CEP70: variants seen among roughly 807,000 people sequenced by gnomAD.
CEP70 encodes the protein centrosomal protein of 70 kDa.
Under a neutral mutation model 90.9 loss-of-function variants are expected in CEP70, and 70 were observed. The observed-to-expected ratio is 0.77, with a 90% CI of 0.64 to 0.94. CEP70 has a LOEUF of 0.94. CEP70 is among the 40% of genes least tolerant of loss of function. CEP70 has a pLI of 0.00. For missense variants in CEP70, 648 were observed against 669.0 expected (o/e 0.97, Z 0.35); for synonymous variants, 220 against 228.3 (o/e 0.96, Z 0.33).
At position 138,594,237 on chromosome 3, in the gene CEP70, C is replaced by G. The variant is rs2042546837; in HGVS notation, c.-148G>C. 1 of 152,474 alleles carries G rather than the reference C, an allele frequency of 6.6e-6. No homozygotes were observed. Among genetic ancestry groups the G allele is most frequent in the South Asian group, 2.1e-4 (1 of 4,830 alleles). 9.4% of individuals were successfully genotyped at this position (152,474 alleles called of 1,614,324 possible). A position where few individuals can be genotyped will look rare whatever the true frequency, so the allele number is the denominator to read the frequency against. ...GGCCTCCCACCAGCAGCCAGCCGGG[C>G]CAGGTTAGGCTGGGATCAGCTACGT... On this transcript the variant is annotated 5_prime_UTR_variant, in exon 1 of 18. Coordinates refer to ENST00000264982, the MANE Select transcript of CEP70 (RefSeq NM_024491.4).
At chr3:138,561,273 A>C (rs1346682272) in intron 6 of CEP70, among the ~76,000 whole-genome samples, 2 of 152,116 alleles carry the variant, frequency 1.3e-5, no homozygotes, top group Non-Finnish European at 2.9e-5. Context: ...GCCTCCAGCA[A>C]ACTCCAGCAG....
intron 6 of CEP70, among the ~76,000 whole-genome samples, chr3:138,544,888 G>C (rs529616455): frequency 5.3e-5 from 8 of 152,234 alleles, no homozygotes; most frequent in African/African-American, 1.9e-4. Flanking sequence ...CAAAACAGTG[G>C]TTAACAGAGG....
At chr3:138,546,450 T>C (rs891765628) in intron 6 of CEP70, among the ~76,000 whole-genome samples, 2 of 152,196 alleles carry the variant, frequency 1.3e-5, no homozygotes, top group African/African-American at 4.8e-5. Context: ...AAGCTCATTA[T>C]CAAAAAGCAC....
chr3:138,517,070 A>G (rs1005673879), intron 11 of CEP70, among the ~76,000 whole-genome samples: 5 of 152,230 alleles, frequency 3.3e-5, no homozygotes, highest in African/African-American at 1.2e-4. Flanking sequence ...CGCTCACTTT[A>G]AAACATTCAG....
intron 6 of CEP70, among the ~76,000 whole-genome samples, chr3:138,550,645 G>A (rs1175797698): frequency 6.6e-6 from 1 of 152,204 alleles, no homozygotes; most frequent in Non-Finnish European, 1.5e-5. Context: ...TTACAGGCAT[G>A]AGCCACCATG....
chr3:138,529,559 GAATTAA>G (rs2037623296), intron 8 of CEP70, 97 bp from the exon 9 acceptor site: 2 of 719,610 alleles, frequency 2.8e-6, no homozygotes, highest in Non-Finnish European at 4.7e-6. Context: ...ATCTAAACAT[GAATTAA>G]AATTAATCCA....
intron 11 of CEP70, among the ~76,000 whole-genome samples, chr3:138,519,848 T>C (rs972728431): frequency 1.1e-4 from 16 of 152,162 alleles, no homozygotes; most frequent in African/African-American, 3.9e-4. Flanking sequence ...ACCTTAAATG[T>C]AAATGGGCTA....
At position 138,537,316 on chromosome 3, in the gene CEP70, G is replaced by A. The variant is rs538352932; in HGVS notation, c.497C>T (p.Thr166Met). The A allele has an allele frequency of 6.2e-5, 99 of 1,595,730 alleles. No individual in the cohort carries two copies. The highest frequency in any genetic ancestry group is 1.7e-4 in the Middle Eastern group (1 of 5,986). Residue 166 changes from threonine (T) to methionine (M), a missense_variant, in exon 7 of 18, where the codon ACG (threonine) becomes ATG (methionine). Coordinates refer to ENST00000264982, the MANE Select transcript of CEP70 (RefSeq NM_024491.4). ...VKCQHYKKKR[T>M]EQEETIASLQ... ...AGAAGCAATAGTTTCTTCTTGCTCC[G>A]TTCGTTTTTTCTTATAATGCTGGCA...
chr3:138,504,439 T>C lies in CEP70; in HGVS notation c.1221+856A>G, dbSNP rs376405088. On this transcript the variant is annotated intron_variant, in intron 13 of 17. Coordinates refer to ENST00000264982, the MANE Select transcript of CEP70 (RefSeq NM_024491.4). ...ATTCATCAGGAGGATCTTGGGGACA[T>C]ATCAGAACAAATAAAAACACTGTCT... Among the ~76,000 whole-genome samples, 29 of 152,300 alleles carry C rather than the reference T, an allele frequency of 1.9e-4. No individual in the cohort carries two copies. The East Asian group carries it at 5.2e-3, about 27-fold the overall frequency.
At chr3:138,541,877 G>A (rs948639581) in intron 6 of CEP70, among the ~76,000 whole-genome samples, 1 of 152,178 alleles carries the variant, frequency 6.6e-6, no homozygotes, top group Admixed American at 6.5e-5. Flanking sequence ...CAAAAAGTTA[G>A]CTGAGTGTCG....
chr3:138,533,512 C>T (rs1358846881), intron 7 of CEP70, among the ~76,000 whole-genome samples: 9 of 152,038 alleles, frequency 5.9e-5, no homozygotes, highest in Middle Eastern at 6.8e-3. Context: ...TGTAAGCTAG[C>T]GGGTGTATGA....
At chr3:138,540,249 C>T (rs776140269) in intron 6 of CEP70, among the ~76,000 whole-genome samples, 7 of 151,526 alleles carry the variant, frequency 4.6e-5, no homozygotes, top group South Asian at 2.1e-4. Context: ...AATCCCAACA[C>T]TTTGGGAGGC....
intron 12 of CEP70, 106 bp downstream of exon 12, chr3:138,508,333 T>C (rs2035185661): frequency 1.1e-5 from 8 of 739,456 alleles, no homozygotes; most frequent in African/African-American, 1.7e-5. Context: ...CACATAAATA[T>C]GAGGTGCAAG....
intron 6 of CEP70, among the ~76,000 whole-genome samples, chr3:138,566,817 A>ATC (rs1216756488): frequency 2.0e-5 from 3 of 151,122 alleles, no homozygotes; most frequent in Non-Finnish European, 2.9e-5. Context: ...ATATATATAT[A>ATC]TAAAAAAAAA....
At chr3:138,518,039 C>A (rs1452864785) in intron 11 of CEP70, among the ~76,000 whole-genome samples, 2 of 152,218 alleles carry the variant, frequency 1.3e-5, no homozygotes, top group East Asian at 1.9e-4. Context: ...GATTATATCC[C>A]GCACCTGGCT....
intron 11 of CEP70, among the ~76,000 whole-genome samples, chr3:138,522,223 T>C (rs563982451): frequency 5.9e-5 from 9 of 151,442 alleles, no homozygotes; most frequent in East Asian, 1.9e-4. Flanking sequence ...CTCTCCACTA[T>C]TGTCCTATGA....
At position 138,537,174 on chromosome 3, in the gene CEP70, T is replaced by C; in HGVS notation, c.635+4A>G. ...CTACATATCAATTTATGTAGCAAAA[T>C]TACTGTCTATCCAAGACGGTATGAG... On this transcript the variant is annotated splice_donor_region_variant and intron_variant, in intron 7 of 17. Transcript: ENST00000264982. The C allele has an allele frequency of 6.6e-7, 1 of 1,507,376 alleles. No homozygotes were observed. 93.4% of individuals were successfully genotyped at this position (1,507,376 alleles called of 1,614,324 possible).
intron 11 of CEP70, among the ~76,000 whole-genome samples, chr3:138,515,743 A>C (rs1195720677): frequency 6.6e-6 from 1 of 152,174 alleles, no homozygotes; most frequent in Non-Finnish European, 1.5e-5. Flanking sequence ...ACGTATGTGT[A>C]AGTGCATACA....
intron 12 of CEP70, among the ~76,000 whole-genome samples, chr3:138,505,893 A>G (rs542011396): frequency 4.7e-4 from 72 of 152,318 alleles, no homozygotes; most frequent in African/African-American, 1.7e-3. Flanking sequence ...ACTAAAGTCT[A>G]CTGATTCGGA....
Sources: gnomAD v4.1 joint callset for allele counts (sites outside exome capture counted in the v4.1 genomes callset) on GRCh38, gnomAD v4.1.1 for gene constraint, MANE v1.5 for transcripts, NCBI Gene and HGNC (gene_info 2026-07-23, HGNC 2026-07-21) for gene names.